PIK3R5: variants seen among roughly 807,000 people sequenced by gnomAD.
PIK3R5 encodes the protein phosphoinositide 3-kinase regulatory subunit 5.
Under a neutral mutation model 94.9 loss-of-function variants are expected in PIK3R5, and 32 were observed. The ratio of observed to expected loss-of-function variants is 0.34; its 90% confidence interval spans 0.25 to 0.45. The LOEUF (loss-of-function observed/expected upper bound fraction) is 0.45. PIK3R5 is among the 20% of genes least tolerant of loss of function. PIK3R5 has a pLI of 1.00. For missense variants in PIK3R5, 853 were observed against 1,144.6 expected, an observed-to-expected ratio of 0.75 and a Z score of 3.68; for synonymous variants, 443 against 479.4, an observed-to-expected ratio of 0.92 and a Z score of 0.99.
intron 1 of PIK3R5, among the ~76,000 whole-genome samples, chr17:8,927,757 G>C (rs1473535303): frequency 2.0e-5 from 3 of 152,144 alleles, no homozygotes; most frequent in Non-Finnish European, 4.4e-5. Context: ...TGTTGGAGGT[G>C]GTGCCTGGTG....
At position 8,929,960 on chromosome 17, in the gene PIK3R5, G is replaced by A. The variant is rs375769605; in HGVS notation, c.-13-18453C>T. On this transcript the variant is annotated intron_variant, in intron 1 of 18. Transcript: ENST00000447110. ...AACCACCTGTACCCCAAAAGCGATCGAATTTAAAAACAGTAAAAAACAAGA... is the reference window on the plus strand; with the variant it reads ...AACCACCTGTACCCCAAAAGCGATCAAATTTAAAAACAGTAAAAAACAAGA... Among the ~76,000 whole-genome samples, 212 of 152,142 alleles carry A rather than the reference G, an allele frequency of 1.4e-3. 1 individual carries two copies. The highest frequency in any genetic ancestry group is 4.3e-3 in the African/African-American group (177 of 41,504).
chr17:8,913,528 GA>G (rs2090571220), intron 1 of PIK3R5, among the ~76,000 whole-genome samples: 1 of 148,500 alleles, frequency 6.7e-6, no homozygotes, highest in African/African-American at 2.6e-5. Flanking sequence ...CCAACATCTT[GA>G]AACCCCATCT....
intron 4 of PIK3R5, 66 bp downstream of exon 4, chr17:8,905,603 C>T (rs749543700): frequency 1.7e-6 from 2 of 1,206,400 alleles, no homozygotes; most frequent in Non-Finnish European, 2.4e-6. Flanking sequence ...GAGGGCTCTG[C>T]CCCAGATAGA....
intron 3 of PIK3R5, among the ~76,000 whole-genome samples, chr17:8,907,205 T>G (rs2090415702): frequency 6.6e-6 from 1 of 151,752 alleles, no homozygotes. Flanking sequence ...TGTATTTTTT[T>G]TTTTTTTAGT....
intron 1 of PIK3R5, among the ~76,000 whole-genome samples, chr17:8,962,743 C>A (rs892356951): frequency 6.6e-6 from 1 of 152,176 alleles, no homozygotes; most frequent in African/African-American, 2.4e-5. Context: ...ACAATTAGCA[C>A]ATTCAGTGCT....
intron 1 of PIK3R5, among the ~76,000 whole-genome samples, chr17:8,938,843 A>C (rs1201616925): frequency 6.6e-6 from 1 of 152,248 alleles, no homozygotes; most frequent in Non-Finnish European, 1.5e-5. Context: ...ACCAAGATTC[A>C]TATTGGATAC....
At chr17:8,934,339 C>T (rs2091035976) in intron 1 of PIK3R5, among the ~76,000 whole-genome samples, 1 of 152,080 alleles carries the variant, frequency 6.6e-6, no homozygotes. Flanking sequence ...ATCAAAAAGC[C>T]AAAATTCTTA....
In PIK3R5 at chr17:8,925,468, G is replaced by A. The variant is rs762031507; in HGVS notation, c.-13-13961C>T. Among the ~76,000 whole-genome samples the A allele has an allele frequency of 1.5e-5, 2 of 131,248 alleles. No homozygotes were observed. The highest frequency in any genetic ancestry group is 2.6e-5 in the African/African-American group (1 of 39,188). The allele number at this position is 131,248 out of a possible 152,430, so 86.1% of individuals were successfully genotyped here. ...GTAGATGGATAGATAGTAGATGGAT[G>A]ATAGATAGATAGTAGATGGATAGAT... On this transcript the variant is annotated intron_variant, in intron 1 of 18. Transcript: ENST00000447110. The surrounding 1 kb of genome is among the most constrained non-coding windows in gnomAD (Gnocchi z 5.1).
At chr17:8,894,764 G>A (rs2090112415) in intron 5 of PIK3R5, among the ~76,000 whole-genome samples, 1 of 151,846 alleles carries the variant, frequency 6.6e-6, no homozygotes, top group Admixed American at 6.6e-5. Flanking sequence ...TCGCCTTCTT[G>A]TCATAGCTTG....
rs547988105 is a variant in PIK3R5, at chr17:8,886,618, G to C, written c.1906-13C>G. ...CCTTCAGGGACTGCTGTGGCCAGAGGGAAGGGGCAGCCAAGCCAGATGGGT... is the reference window on the plus strand; with the variant it reads ...CCTTCAGGGACTGCTGTGGCCAGAGCGAAGGGGCAGCCAAGCCAGATGGGT... On this transcript the variant is annotated splice_polypyrimidine_tract_variant and intron_variant, in intron 12 of 18. Transcript: ENST00000447110. 6.4e-6 allele frequency: 10 copies of C among 1,566,944 alleles called. No individual in the cohort carries two copies. The South Asian group carries it at 7.2e-5, about 11-fold the overall frequency.
At chr17:8,960,229 A>C (rs892129402) in intron 1 of PIK3R5, among the ~76,000 whole-genome samples, 1 of 152,216 alleles carries the variant, frequency 6.6e-6, no homozygotes, top group East Asian at 1.9e-4. Context: ...GCCCTTAGCA[A>C]GTATTCACTA....
chr17:8,922,778 T>C (rs1431904128), intron 1 of PIK3R5, among the ~76,000 whole-genome samples: 2 of 152,030 alleles, frequency 1.3e-5, no homozygotes, highest in African/African-American at 4.8e-5. Context: ...GTTACAGCAG[T>C]GACGGTAGCT....
chr17:8,918,303 C>T (rs1821445815), intron 1 of PIK3R5, among the ~76,000 whole-genome samples: 1 of 152,102 alleles, frequency 6.6e-6, no homozygotes, highest in Admixed American at 6.5e-5. Context: ...AAAATAAACC[C>T]AGCACATCTT....
chr17:8,951,560 C>G (rs113507463), intron 1 of PIK3R5, among the ~76,000 whole-genome samples: 15 of 152,204 alleles, frequency 9.9e-5, no homozygotes, highest in Non-Finnish European at 4.4e-5. Context: ...TCATGCATAT[C>G]GTAGCATGTG....
chr17:8,912,341 C>T (rs1425965991), intron 1 of PIK3R5: 1 of 152,268 alleles, frequency 6.6e-6, no homozygotes, highest in Non-Finnish European at 1.5e-5. Context: ...GCTCTGGCAT[C>T]CGACGGACTT....
intron 1 of PIK3R5, among the ~76,000 whole-genome samples, chr17:8,929,904 A>G (rs998489508): frequency 6.6e-6 from 1 of 152,200 alleles, no homozygotes. Context: ...TCCCAGACTT[A>G]ACAACTATAC....
chr17:8,908,530 A>AACACACACACAC lies in PIK3R5; in HGVS notation c.204+532_204+543dup, dbSNP rs3138608. Reference sequence around the variant, plus strand: ...AATCACATGTATTTAAAATAATTAAAACACACACACACACACACACACACA... The same window carrying AACACACACACAC: ...AATCACATGTATTTAAAATAATTAAAACACACACACACACACACACACACACACACACACACA... On this transcript the variant is annotated intron_variant, in intron 3 of 18. Transcript: ENST00000447110. Among the ~76,000 whole-genome samples, 576 of 136,660 alleles carry AACACACACACAC rather than the reference A, an allele frequency of 4.2e-3. 6 individuals carry two copies. Among genetic ancestry groups the AACACACACACAC allele is most frequent in the African/African-American group, 7.3e-3 (264 of 35,980 alleles). 89.7% of individuals were successfully genotyped at this position (136,660 alleles called of 152,430 possible). A position where few individuals can be genotyped will look rare whatever the true frequency, so the allele number is the denominator to read the frequency against.
chr17:8,928,223 C>T (rs1450347594), intron 1 of PIK3R5, among the ~76,000 whole-genome samples: 1 of 152,046 alleles, frequency 6.6e-6, no homozygotes, highest in Non-Finnish European at 1.5e-5. Flanking sequence ...GAAGGCCGGG[C>T]TGAAAAACTA....
rs1171100818 is a variant in PIK3R5 at position 8,888,916 on chromosome 17, G to C, written c.896-25C>G. 3.2e-6 allele frequency: 5 copies of C among 1,569,352 alleles called. No homozygotes were observed. Among genetic ancestry groups the C allele is most frequent in the South Asian group, 1.2e-5 (1 of 86,544 alleles). On this transcript the variant is annotated intron_variant, in intron 9 of 18. Transcript: ENST00000447110. This position sits in a 1 kb window ranked among gnomAD's most constrained non-coding sequence, Gnocchi z 7.8. ...TCTGCAGGGAAGCAAGGCCAGCACT[G>C]TCTGGGCGTCTGGGCCCCGGATCCC...
Sources: gnomAD v4.1 joint callset for allele counts (sites outside exome capture counted in the v4.1 genomes callset) on GRCh38, gnomAD v4.1.1 for gene constraint, Gnocchi (gnomAD v3.1) non-coding constraint, MANE v1.5 for transcripts, NCBI Gene and HGNC (gene_info 2026-07-23, HGNC 2026-07-21) for gene names.